The following MAP7D3 variants were observed in gnomAD, a reference collection of about 807,000 sequenced individuals.
MAP7D3 encodes the protein MAP7 domain-containing protein 3.
In MAP7D3, 45 loss-of-function variants were observed where a neutral mutation model predicts 62.2. The observed-to-expected ratio is 0.72, with a 90% CI of 0.57 to 0.93. The LOEUF is 0.93. MAP7D3 is among the 40% of genes least tolerant of loss of function. The pLI, the probability that MAP7D3 is intolerant of heterozygous loss-of-function variation, is 0.00. For missense variants in MAP7D3, 711 were observed against 683.1 expected (o/e 1.04, Z -0.45); for synonymous variants, 288 against 248.8 (o/e 1.16, Z -1.48).
chrX:136,246,993 G>C (rs892353618), intron 1 of MAP7D3, among the ~76,000 whole-genome samples: 83 of 112,305 alleles, frequency 7.4e-4, no homozygotes, highest in African/African-American at 2.5e-3. Context: ...CAATTGTTGA[G>C]CTCTATTCTG....
At chrX:136,251,473 CGGGGCGGGG>C, upstream of MAP7D3, 2 of 137,861 alleles carry the variant, frequency 1.5e-5, no homozygotes, top group Non-Finnish European at 2.2e-5. Flanking sequence ...CGGGGCGGGG[CGGGGCGGGG>C]CCCGAAGGGC....
At chrX:136,231,370 C>T (rs1377239931) in intron 8 of MAP7D3, among the ~76,000 whole-genome samples, 174 bp downstream of exon 8, 1 of 111,867 alleles carries the variant, frequency 8.9e-6, no homozygotes, top group Non-Finnish European at 1.9e-5. Context: ...GTACAATGAA[C>T]ATCAGAGAAT....
Position 136,220,892 on chromosome X carries a change from T to C in MAP7D3, c.2359A>G (p.Lys787Glu), listed in dbSNP as rs1477221780. ...PFNNAKKMTHKLVFLEDGTSQ... is the reference protein window; with the variant it reads ...PFNNAKKMTHELVFLEDGTSQ... ...GTACCATCTTCTAGAAATACCAGCT[T>C]GTGTGTCATTTTCTTGGCATTGTTG... Residue 787 changes from lysine to glutamate, a missense_variant, in exon 16 of 19, where the codon AAG becomes GAG. By Grantham distance (56) the Lys-to-Glu change is moderately conservative. Coordinates refer to ENST00000316077, the MANE Select transcript of MAP7D3 (RefSeq NM_024597.4). 8.3e-7 allele frequency: 1 copy of C among 1,207,295 alleles called. No homozygotes were observed.
chrX:136,256,273 C>T (rs758334523), upstream of MAP7D3: 28 of 1,152,406 alleles, frequency 2.4e-5, no homozygotes, highest in Non-Finnish European at 3.0e-5. Context: ...CCCACATCTG[C>T]GCTTTCTTCC....
intron 15 of MAP7D3, 147 bp downstream of exon 15, chrX:136,222,246 T>C: frequency 1.2e-5 from 5 of 425,729 alleles, no homozygotes; most frequent in Non-Finnish European, 2.0e-5. Context: ...ATATCCACTC[T>C]AGGAAAAGGA....
intron 6 of MAP7D3, among the ~76,000 whole-genome samples, chrX:136,238,852 T>C (rs912583169): frequency 9.0e-6 from 1 of 111,424 alleles, no homozygotes; most frequent in Non-Finnish European, 1.9e-5. Context: ...ATCTTTTCCA[T>C]AAGGTTAACT....
chrX:136,230,224 T>C (rs1051762715), intron 10 of MAP7D3, among the ~76,000 whole-genome samples, 161 bp downstream of exon 10: 10 of 109,849 alleles, frequency 9.1e-5, no homozygotes, highest in Non-Finnish European at 1.7e-4. Flanking sequence ...ACAGAGAAGA[T>C]ACATTCCAAT....
At chrX:136,243,564 G>A (rs1423544136) in intron 4 of MAP7D3, among the ~76,000 whole-genome samples, 4 of 111,136 alleles carry the variant, frequency 3.6e-5, no homozygotes, top group South Asian at 3.9e-4. Flanking sequence ...TTAGCCAGGC[G>A]TGGCGGTAGG....
chrX:136,228,937 C>T, intron 10 of MAP7D3, 179 bp from the exon 11 acceptor site: 1 of 290,634 alleles, frequency 3.4e-6, no homozygotes, highest in Non-Finnish European at 5.9e-6. Flanking sequence ...GCACCCCCAA[C>T]AACAGCAGAA....
chrX:136,255,988 T>C (rs2074549603), upstream of MAP7D3: 2 of 637,746 alleles, frequency 3.1e-6, no homozygotes, highest in Non-Finnish European at 3.7e-6. Context: ...CTTACCAATC[T>C]AGCGAATTTG....
intron 14 of MAP7D3, among the ~76,000 whole-genome samples, chrX:136,223,544 T>C (rs1603277374): frequency 1.8e-5 from 2 of 110,837 alleles, no homozygotes; most frequent in South Asian, 7.8e-4. Context: ...CTGCAATATA[T>C]ATATCCAAAG....
At chrX:136,249,767 C>A (rs2281413) in intron 1 of MAP7D3, among the ~76,000 whole-genome samples, 52,206 of 110,572 alleles carry the variant, frequency 0.47, 9,340 homozygotes, top group East Asian at 0.7. Context: ...CAGTTCTGGT[C>A]AAGTTGGTGC....
chrX:136,243,429 G>A (rs2074411270), intron 4 of MAP7D3, among the ~76,000 whole-genome samples: 1 of 112,081 alleles, frequency 8.9e-6, no homozygotes, highest in Admixed American at 9.4e-5. Context: ...AATAGGCTGG[G>A]CACAGTGGCT....
downstream of MAP7D3, among the ~76,000 whole-genome samples, chrX:136,215,330 C>T (rs772990321): frequency 9.9e-5 from 11 of 111,528 alleles, 1 homozygote; most frequent in South Asian, 2.7e-3. Flanking sequence ...TGCCTGAGCT[C>T]GGCCTCCTGT....
intron 15 of MAP7D3, 62 bp from the exon 16 acceptor site, chrX:136,221,025 AGGCTAT>A: frequency 1.1e-6 from 1 of 886,425 alleles, no homozygotes; most frequent in Non-Finnish European, 1.7e-6. Context: ...GAAAAAGTGA[AGGCTAT>A]GATCCTGATG....
Position 136,241,254 on chromosome X carries a change from A to G in MAP7D3, c.441T>C (p.Tyr147=). 1 of 1,146,403 alleles carries G rather than the reference A, an allele frequency of 8.7e-7. No individual in the cohort carries two copies. The allele number at this position is 1,146,403 out of a possible 1,213,427, so 94.5% of individuals were successfully genotyped here. A position where few individuals can be genotyped will look rare whatever the true frequency, so the allele number is the denominator to read the frequency against. Residue 147 remains tyrosine, a synonymous_variant, in exon 5 of 19, where the codon TAT becomes TAC. Transcript: ENST00000316077. ...CAAGTCTCCTCCGTTCCAAAGTACG[A>G]TAAAGAATGGCTGTAAATTTTTCCT... ...AQKEKFTAIL[Y]RTLERRRLAD... is the part of the protein sequence containing the mutation.
upstream of MAP7D3, chrX:136,251,423 C>T (rs1210513047): frequency 3.6e-6 from 3 of 843,107 alleles, no homozygotes; most frequent in African/African-American, 2.4e-5. Context: ...GCGCGGCCTC[C>T]GCTTGGGTCG....
In MAP7D3 at chrX:136,230,456, T is replaced by G. The variant is rs199800251; in HGVS notation, c.1679A>C (p.Lys560Thr). 1 of 1,199,628 alleles carries G rather than the reference T, an allele frequency of 8.3e-7. No homozygotes were observed. The highest frequency in any genetic ancestry group is 1.8e-5 in the African/African-American group (1 of 56,955). ...SVQSASSTVKKKKETVSKTTN... is the reference protein window; with the variant it reads ...SVQSASSTVKTKKETVSKTTN... ...GGTTTTAGAAACTGTTTCTTTTTTC[T>G]TTTTGACAGTACTTGATGCACTTTG... Residue 560 changes from lysine (K) to threonine (T), a missense_variant, in exon 10 of 19, where the codon AAG (lysine) becomes ACG (threonine). Coordinates refer to ENST00000316077, the MANE Select transcript of MAP7D3 (RefSeq NM_024597.4).
chrX:136,220,022 T>C (rs910193291), intron 16 of MAP7D3, among the ~76,000 whole-genome samples: 1 of 112,196 alleles, frequency 8.9e-6, no homozygotes, highest in African/African-American at 3.2e-5. Context: ...TTCCACATCA[T>C]CACACCTCTC....
Sources: allele counts gnomAD v4.1 joint callset (sites outside exome capture counted in the v4.1 genomes callset), GRCh38; gene constraint gnomAD v4.1.1; transcripts MANE v1.5; gene names NCBI Gene and HGNC (gene_info 2026-07-23, HGNC 2026-07-21).